The following WDR49 variants were observed in gnomAD, a reference collection of about 807,000 sequenced individuals.
WDR49 encodes the protein cilia- and flagella-associated protein 337.
A neutral mutation model predicts 119.5 loss-of-function variants in WDR49; 107 were observed. That is an observed-to-expected ratio of 0.90 (90% confidence interval 0.77 to 1.05). The LOEUF is 1.05. Among genes scored for constraint, WDR49 ranks in the 50% least tolerant of loss-of-function variants. The pLI is 0.00. For synonymous variants in WDR49, 425 were observed against 418.8 expected (o/e 1.01, Z -0.18); for missense variants, 1,240 against 1,220.5 (o/e 1.02, Z -0.24).
At chr3:167,609,306 A>G (rs1716222417) in intron 5 of WDR49, among the ~76,000 whole-genome samples, 1 of 152,184 alleles carries the variant, frequency 6.6e-6, no homozygotes, top group African/African-American at 2.4e-5. Context: ...GAAAAATAAA[A>G]AAAAACAGTA....
Position 167,556,228 on chromosome 3 carries a change from A to G in WDR49, c.1675-1430T>C, listed in dbSNP as rs139556144. ...AAATCATGAAGAAAACGATTTTGGA[A>G]TCTGTTGACATCCTGAAGTTTTCAC... On this transcript the variant is annotated intron_variant, in intron 9 of 18. Transcript: ENST00000682715. Among the ~76,000 whole-genome samples the G allele has an allele frequency of 1.2e-4, 19 of 152,324 alleles. No individual in the cohort carries two copies. The East Asian group carries it at 3.5e-3, about 28-fold the overall frequency.
chr3:167,483,077 T>G (rs1484440897), intron 18 of WDR49, among the ~76,000 whole-genome samples: 1 of 152,180 alleles, frequency 6.6e-6, no homozygotes, highest in Non-Finnish European at 1.5e-5. Flanking sequence ...AGCATACATC[T>G]AATAGTGTCT....
chr3:167,615,059 A>G (rs1716528845), intron 5 of WDR49, among the ~76,000 whole-genome samples: 1 of 152,228 alleles, frequency 6.6e-6, no homozygotes, highest in South Asian at 2.1e-4. Flanking sequence ...CTCGTATTGA[A>G]ATCACTGAGC....
chr3:167,480,448 T>C (rs1750675011), intron 18 of WDR49, among the ~76,000 whole-genome samples: 1 of 152,050 alleles, frequency 6.6e-6, no homozygotes, highest in Admixed American at 6.6e-5. Context: ...CTTTACAGTA[T>C]AGTGGCATCT....
intron 7 of WDR49, among the ~76,000 whole-genome samples, chr3:167,599,085 T>G (rs1278992026): frequency 6.6e-6 from 1 of 152,144 alleles, no homozygotes; most frequent in Non-Finnish European, 1.5e-5. Flanking sequence ...AACCATTACC[T>G]GGCTACCACC....
intron 7 of WDR49, among the ~76,000 whole-genome samples, chr3:167,576,838 C>T (rs1010882777): frequency 6.6e-6 from 1 of 152,038 alleles, no homozygotes; most frequent in Non-Finnish European, 1.5e-5. Context: ...AAAACTAATA[C>T]AGTTCTCTCT....
intron 16 of WDR49, among the ~76,000 whole-genome samples, chr3:167,511,819 T>C (rs1035632143): frequency 3.3e-5 from 5 of 152,186 alleles, no homozygotes; most frequent in African/African-American, 1.2e-4. Flanking sequence ...TTCCCCACAA[T>C]GCAGCACAGT....
chr3:167,531,858 C>T (rs1405584992), intron 12 of WDR49, among the ~76,000 whole-genome samples: 1 of 152,102 alleles, frequency 6.6e-6, no homozygotes, highest in Non-Finnish European at 1.5e-5. Flanking sequence ...AAAATCTATA[C>T]AGACGTATTT....
Position 167,560,225 on chromosome 3 carries a change from T to C in WDR49, c.1513A>G (p.Ile505Val), listed in dbSNP as rs114426783. 0.019 allele frequency: 30,523 copies of C among 1,611,112 alleles called. 418 individuals carry two copies. The highest frequency in any genetic ancestry group is 0.02 in the Non-Finnish European group (24,060 of 1,179,002). Residue 505 changes from isoleucine (I) to valine (V), a missense_variant, in exon 9 of 19, where the codon ATC (isoleucine) becomes GTC (valine). By Grantham distance (29) the Ile-to-Val change is conservative. Coordinates refer to ENST00000682715, the MANE Select transcript of WDR49 (RefSeq NM_001366157.1). Reference protein sequence around the residue: ...VLYNSILKQVISSDTGSTVSF... With the variant: ...VLYNSILKQVVSSDTGSTVSF... ...ACAGTAGACCCTGTATCAGAGCTGATTACCTAAGAGAAAATAACATTTTAA... is the reference window on the plus strand; with the variant it reads ...ACAGTAGACCCTGTATCAGAGCTGACTACCTAAGAGAAAATAACATTTTAA...
At chr3:167,555,090 GCT>G (rs1577236778) in intron 9 of WDR49, among the ~76,000 whole-genome samples, 1 of 152,092 alleles carries the variant, frequency 6.6e-6, no homozygotes, top group African/African-American at 2.4e-5. Flanking sequence ...CAGGGTGGAG[GCT>G]GTTCTCAAGA....
At chr3:167,511,610 C>A (rs1751974871) in intron 16 of WDR49, among the ~76,000 whole-genome samples, 2 of 152,150 alleles carry the variant, frequency 1.3e-5, no homozygotes, top group Non-Finnish European at 2.9e-5. Flanking sequence ...GATCAGATCA[C>A]CACCAGGGCC....
At chr3:167,579,771 T>C (rs1012888306) in intron 7 of WDR49, among the ~76,000 whole-genome samples, 1 of 152,172 alleles carries the variant, frequency 6.6e-6, no homozygotes, top group East Asian at 1.9e-4. Flanking sequence ...AAGCTTTTAT[T>C]TTGAATGTTA....
At chr3:167,595,312 C>T (rs1006384448) in intron 7 of WDR49, among the ~76,000 whole-genome samples, 3 of 152,158 alleles carry the variant, frequency 2.0e-5, no homozygotes, top group African/African-American at 7.2e-5. Flanking sequence ...TTTACAGATT[C>T]AATGCCATCC....
chr3:167,607,299 G>T (rs1307239648), intron 5 of WDR49, among the ~76,000 whole-genome samples: 2 of 152,154 alleles, frequency 1.3e-5, no homozygotes, highest in African/African-American at 4.8e-5. Flanking sequence ...GGCAGGAGAA[G>T]GTCAGAGAGA....
intron 2 of WDR49, among the ~76,000 whole-genome samples, chr3:167,631,321 A>G (rs1033900794): frequency 5.3e-5 from 8 of 152,106 alleles, no homozygotes; most frequent in Admixed American, 5.2e-4. Flanking sequence ...TAAATAATTT[A>G]AAAAAGAGAT....
chr3:167,502,502 TAG>T (rs1751611782), intron 17 of WDR49, among the ~76,000 whole-genome samples: 1 of 152,192 alleles, frequency 6.6e-6, no homozygotes, highest in South Asian at 2.1e-4. Flanking sequence ...TGGAAATTCT[TAG>T]AGACTGGTTA....
At chr3:167,530,424 T>C (rs1424389822) in intron 13 of WDR49, among the ~76,000 whole-genome samples, 1 of 152,120 alleles carries the variant, frequency 6.6e-6, no homozygotes, top group African/African-American at 2.4e-5. Flanking sequence ...GCAGGCTGCA[T>C]CAACACCATG....
At position 167,481,013 on chromosome 3, in the gene WDR49, A is replaced by C. The variant is rs575496092; in HGVS notation, c.3032-2017T>G. On this transcript the variant is annotated intron_variant, in intron 18 of 18. Transcript: ENST00000682715. ...CCATGGGTTGTAAAACTTGAAGGAT[A>C]CCCTGATCTCACATCCCAGCCTCTT... Among the ~76,000 whole-genome samples the C allele has an allele frequency of 2.0e-5, 3 of 150,488 alleles. No homozygotes were observed. In the South Asian group the frequency reaches 6.3e-4, roughly 32 times the overall value.
chr3:167,488,449 A>T, intron 18 of WDR49, among the ~76,000 whole-genome samples: 1 of 152,086 alleles, frequency 6.6e-6, no homozygotes, highest in Admixed American at 6.6e-5. Flanking sequence ...TACTACACTC[A>T]TTACCTGGGT....
Sources: allele counts gnomAD v4.1 joint callset (sites outside exome capture counted in the v4.1 genomes callset), GRCh38; gene constraint gnomAD v4.1.1; transcripts MANE v1.5; gene names NCBI Gene and HGNC (gene_info 2026-07-23, HGNC 2026-07-21).